Variants in NR2C1 observed in about 807,000 individuals in gnomAD.
NR2C1 encodes the protein nuclear receptor subfamily 2 group C member 1, also known as TR2 nuclear hormone receptor.
A neutral mutation model predicts 74.8 loss-of-function variants in NR2C1; 33 were observed. The observed-to-expected ratio is 0.44, with a 90% CI of 0.33 to 0.59. The LOEUF is 0.59. Ranked by LOEUF, NR2C1 falls within the 20% of genes least tolerant of loss-of-function variation. The pLI, the probability that NR2C1 is intolerant of heterozygous loss-of-function variation, is 0.02. For missense variants in NR2C1, 568 were observed against 715.6 expected, an observed-to-expected ratio of 0.79 and a Z score of 2.35; for synonymous variants, 225 against 240.6, an observed-to-expected ratio of 0.94 and a Z score of 0.60.
At chr12:95,036,377 A>T (rs1298214009) in intron 10 of NR2C1, among the ~76,000 whole-genome samples, 1 of 152,060 alleles carries the variant, frequency 6.6e-6, no homozygotes, top group Non-Finnish European at 1.5e-5. Context: ...GTTCAAGATC[A>T]GCCTGGACAA....
chr12:95,057,732 T>G lies in NR2C1; in HGVS notation c.691A>C (p.Arg231=). Residue 231 remains arginine (R), a splice_region_variant and synonymous_variant, in exon 6 of 14, where the codon AGG becomes CGG. Transcript: ENST00000333003. ...PTFVTDSEST[R]STGLLDSGMF... is the part of the protein sequence containing the mutation. ...TACTCAGTGTCTGTTTTACTTTACCTTGTACTTTCACTATCTGTTACAAAA... is the reference window on the plus strand; with the variant it reads ...TACTCAGTGTCTGTTTTACTTTACCGTGTACTTTCACTATCTGTTACAAAA... The G allele has an allele frequency of 6.2e-7, 1 of 1,613,946 alleles. No homozygotes were observed. Among genetic ancestry groups the G allele is most frequent in the Non-Finnish European group, 8.5e-7 (1 of 1,179,932 alleles).
At chr12:95,029,283 G>T (rs1407279250) in intron 11 of NR2C1, among the ~76,000 whole-genome samples, 1 of 151,754 alleles carries the variant, frequency 6.6e-6, no homozygotes, top group African/African-American at 2.4e-5. Context: ...GTTTCACCAT[G>T]TTGGCCAGGC....
At chr12:95,038,011 A>G (rs1871077619) in intron 10 of NR2C1, among the ~76,000 whole-genome samples, 1 of 152,164 alleles carries the variant, frequency 6.6e-6, no homozygotes, top group African/African-American at 2.4e-5. Context: ...CGTATGATTA[A>G]GTAAACACAT....
intron 2 of NR2C1, among the ~76,000 whole-genome samples, chr12:95,063,770 C>T (rs1875165599): frequency 6.6e-6 from 1 of 152,116 alleles, no homozygotes; most frequent in African/African-American, 2.4e-5. Flanking sequence ...TGGCTCACGC[C>T]CATAATCCCA....
chr12:95,059,854 T>G, intron 4 of NR2C1, 52 bp downstream of exon 4: 1 of 1,275,006 alleles, frequency 7.8e-7, no homozygotes, highest in Non-Finnish European at 1.1e-6. Context: ...ACACGACACA[T>G]ATAGGAGGTT....
At position 95,038,820 on chromosome 12, in the gene NR2C1, G is replaced by C. The variant is rs75010281; in HGVS notation, c.1253+1656C>G. On this transcript the variant is annotated intron_variant, in intron 10 of 13. Transcript: ENST00000333003. ...CTCAGTAGTGTGTACTTGGTTTTCT[G>C]TATCCTCACTATATTTGATACTATT... Among the ~76,000 whole-genome samples, 986 of 152,028 alleles carry C rather than the reference G, an allele frequency of 6.5e-3. 12 individuals are homozygous for C. The highest frequency in any genetic ancestry group is 0.022 in the African/African-American group (931 of 41,466).
At chr12:95,043,044 C>G (rs1461915657) in intron 9 of NR2C1, among the ~76,000 whole-genome samples, 1 of 151,498 alleles carries the variant, frequency 6.6e-6, no homozygotes. Flanking sequence ...GGAAGAGCTG[C>G]TTGAACCTAG....
intron 2 of NR2C1, among the ~76,000 whole-genome samples, chr12:95,063,962 G>C (rs1875206550): frequency 6.7e-6 from 1 of 148,808 alleles, no homozygotes; most frequent in African/African-American, 2.5e-5. Context: ...CCTGGAGGCG[G>C]AGGTTGCAGT....
chr12:95,030,845 A>G (rs1245778818), intron 11 of NR2C1: 1 of 1,613,638 alleles, frequency 6.2e-7, no homozygotes, highest in South Asian at 1.1e-5. Flanking sequence ...GTCTTGTGAA[A>G]TGAATGAGGG....
At chr12:95,072,570 CTAAAGGCCGTAA>C (rs1187899492) in intron 1 of NR2C1, 2 of 152,046 alleles carry the variant, frequency 1.3e-5, no homozygotes, top group African/African-American at 4.8e-5. Flanking sequence ...GTACTAAACC[CTAAAGGCCGTAA>C]TTTTAGGTCT....
chr12:95,056,256 G>A (rs61061552), intron 7 of NR2C1, among the ~76,000 whole-genome samples: 3,120 of 152,142 alleles, frequency 0.021, 97 homozygotes, highest in African/African-American at 0.071. Context: ...GGTGACAAGA[G>A]GGGACCCTGT....
chr12:95,049,863 A>G (rs1222994527), intron 8 of NR2C1, among the ~76,000 whole-genome samples: 1 of 152,206 alleles, frequency 6.6e-6, no homozygotes, highest in Non-Finnish European at 1.5e-5. Flanking sequence ...TGGCATGATC[A>G]TGGCTCACTG....
intron 13 of NR2C1, among the ~76,000 whole-genome samples, chr12:95,023,000 G>T (rs1398572292): frequency 1.3e-5 from 2 of 151,966 alleles, no homozygotes; most frequent in Non-Finnish European, 2.9e-5. Context: ...ATTGTGCCGG[G>T]CCAAGTTATA....
At position 95,028,503 on chromosome 12, in the gene NR2C1, CTTCT is replaced by C. The variant is rs1869647689; in HGVS notation, c.1411_1414del (p.Arg471GlufsTer4). ...GAAGATGTGCTCCATCAATAATTTT[CTTCT>C]TTCTGTTGACATTTTATCTTTAATT... On this transcript the variant is annotated frameshift_variant, in exon 12 of 14. Coordinates refer to ENST00000333003, the MANE Select transcript of NR2C1 (RefSeq NM_003297.4). LOFTEE classifies it high-confidence loss of function. 6.4e-7 allele frequency: 1 copy of C among 1,561,776 alleles called. No individual in the cohort carries two copies. The highest frequency in any genetic ancestry group is 8.8e-7 in the Non-Finnish European group (1 of 1,139,650).
At chr12:95,039,042 T>C (rs889298974) in intron 10 of NR2C1, among the ~76,000 whole-genome samples, 2 of 152,064 alleles carry the variant, frequency 1.3e-5, no homozygotes, top group Non-Finnish European at 2.9e-5. Flanking sequence ...CAGATCAGTC[T>C]CAATGACAGA....
In NR2C1 at chr12:95,025,190, G is replaced by T; in HGVS notation, c.1597C>A (p.Gln533Lys). 1 of 1,602,936 alleles carries T rather than the reference G, an allele frequency of 6.2e-7. No individual in the cohort carries two copies. The highest frequency in any genetic ancestry group is 8.5e-7 in the Non-Finnish European group (1 of 1,171,384). ...GGATATGTTTTGGTTATATAATCTT[G>T]GAATTCCACATAAGCCTTTTCCTGA... is the stretch of plus-strand genomic sequence containing the variant. Reference protein sequence around the residue: ...KFQEKAYVEFQDYITKTYPDD... With the variant: ...KFQEKAYVEFKDYITKTYPDD... Residue 533 changes from glutamine (Q) to lysine (K), a missense_variant, in exon 13 of 14, where the codon CAA becomes AAA. Gln to Lys is a moderately conservative substitution (Grantham distance 53). Transcript: ENST00000333003.
chr12:95,071,305 A>T (rs1248369724), intron 1 of NR2C1, among the ~76,000 whole-genome samples: 1 of 152,222 alleles, frequency 6.6e-6, no homozygotes, highest in African/African-American at 2.4e-5. Flanking sequence ...TAGGATTCAG[A>T]AATAGATTTC....
chr12:95,067,194 T>C (rs1009369373), intron 2 of NR2C1, 137 bp downstream of exon 2: 23 of 738,116 alleles, frequency 3.1e-5, no homozygotes, highest in African/African-American at 2.5e-4. Flanking sequence ...ATTATTCAAC[T>C]ATCTCTCAGT....
rs185537866 is a variant in NR2C1 at position 95,062,613 on chromosome 12, G to C, written c.180C>G (p.Ala60=). 6.2e-7 allele frequency: 1 copy of C among 1,614,092 alleles called. No homozygotes were observed. Among genetic ancestry groups the C allele is most frequent in the African/African-American group, 1.3e-5 (1 of 75,010 alleles). The change falls in exon 3 of 14, where the codon GCC becomes GCG. Residue 60 remains alanine, a synonymous_variant. Coordinates refer to ENST00000333003, the MANE Select transcript of NR2C1 (RefSeq NM_003297.4). ...DGSTPSKVIL[A]RQDSTPGKVF... ...CTTTTCCCGGAGTGGAATCTTGCCT[G>C]GCCAGAATGACTTTGCTTGGAGTAG...
Sources: allele counts gnomAD v4.1 joint callset (sites outside exome capture counted in the v4.1 genomes callset), GRCh38; gene constraint gnomAD v4.1.1; transcripts MANE v1.5; gene names NCBI Gene and HGNC (gene_info 2026-07-23, HGNC 2026-07-21).